DST: variants seen among roughly 807,000 people sequenced by gnomAD.
The protein encoded by DST is bullous pemphigoid antigen.
DST carries 253 observed loss-of-function variants against 875.2 expected under a neutral mutation model. That is an observed-to-expected ratio of 0.29 (90% CI 0.26 to 0.32). DST has a LOEUF of 0.32. DST is among the 10% of genes least tolerant of loss of function. The pLI, the probability that DST is intolerant of heterozygous loss-of-function variation, is 1.00. For missense variants in DST, 8,287 were observed against 9,111.6 expected (o/e 0.91, Z 3.68); for synonymous variants, 3,124 against 3,197.1 (o/e 0.98, Z 0.77).
At chr6:56,822,835 ATT>A (rs1232662158) in intron 4 of DST, among the ~76,000 whole-genome samples, 1 of 148,224 alleles carries the variant, frequency 6.7e-6, no homozygotes, top group African/African-American at 2.5e-5. Context: ...TTATTTATTT[ATT>A]TTTTTTTTGA....
At chr6:56,659,265 T>C (rs1483435874) in intron 10 of DST, among the ~76,000 whole-genome samples, 1 of 152,148 alleles carries the variant, frequency 6.6e-6, no homozygotes, top group African/African-American at 2.4e-5. Flanking sequence ...ACAATGGTTA[T>C]AGTAATTAGG....
At chr6:56,932,517 G>A (rs1283386016) in intron 2 of DST, among the ~76,000 whole-genome samples, 1 of 152,126 alleles carries the variant, frequency 6.6e-6, no homozygotes, top group Non-Finnish European at 1.5e-5. Flanking sequence ...GGCAAGAGAA[G>A]GGTGGGAGAG....
intron 13 of DST, among the ~76,000 whole-genome samples, chr6:56,647,285 T>A (rs1290287108): frequency 2.0e-5 from 3 of 152,046 alleles, no homozygotes; most frequent in South Asian, 2.1e-4. Context: ...TAGGGAAAAG[T>A]TTTCCTGCCC....
At chr6:56,801,412 A>G (rs1169428131) in intron 4 of DST, among the ~76,000 whole-genome samples, 1 of 152,196 alleles carries the variant, frequency 6.6e-6, no homozygotes. Context: ...AATATCTAAT[A>G]AGATAATAAT....
At position 56,606,197 on chromosome 6, in the gene DST, C is replaced by T; in HGVS notation, c.8431G>A (p.Gly2811Ser). The T allele has an allele frequency of 6.3e-7, 1 of 1,578,060 alleles. No homozygotes were observed. ...SNDQDDDDDDGIDEEGGGIRD... is the reference protein window; with the variant it reads ...SNDQDDDDDDSIDEEGGGIRD... ...ATACCTCCTCCTTCTTCATCAATGC[C>T]ATCATCATCATCGTCATCCTGATCA... The change falls in exon 40 of 104, where the codon GGC (glycine) becomes AGC (serine). Residue 2811 changes from glycine to serine, a missense_variant. Coordinates refer to ENST00000680361, the MANE Select transcript of DST (RefSeq NM_001374736.1).
chr6:56,799,687 T>A (rs1196997736), intron 4 of DST, among the ~76,000 whole-genome samples: 1 of 151,530 alleles, frequency 6.6e-6, no homozygotes, highest in Non-Finnish European at 1.5e-5. Context: ...AGTGGCACAA[T>A]CCCAGCTCAC....
chr6:56,647,487 C>T (rs79027911), intron 13 of DST, among the ~76,000 whole-genome samples: 1 of 152,216 alleles, frequency 6.6e-6, no homozygotes, highest in East Asian at 1.9e-4. Context: ...GGAGCTCACC[C>T]TAGGTTATTA....
intron 36 of DST, chr6:56,619,311 T>C: frequency 6.2e-7 from 1 of 1,612,010 alleles, no homozygotes; most frequent in African/African-American, 1.3e-5. Context: ...TCCTCTACTT[T>C]TTGTTTTAGC....
At chr6:56,584,592 T>C (rs1223501781) in intron 49 of DST, among the ~76,000 whole-genome samples, 103 of 151,516 alleles carry the variant, frequency 6.8e-4, no homozygotes, top group African/African-American at 2.4e-3. Flanking sequence ...TATTTCCTTC[T>C]CCTGCCTAAT....
chr6:56,861,443 T>C (rs576451299), intron 3 of DST, among the ~76,000 whole-genome samples: 11 of 152,166 alleles, frequency 7.2e-5, no homozygotes, highest in Non-Finnish European at 1.3e-4. Flanking sequence ...AGCAAACCAA[T>C]CCAACCACAG....
chr6:56,525,812 C>A (rs2096787579), intron 69 of DST, among the ~76,000 whole-genome samples: 1 of 152,176 alleles, frequency 6.6e-6, no homozygotes, highest in South Asian at 2.1e-4. Flanking sequence ...GCCTATAAAA[C>A]TCTTGGAGTA....
In DST at chr6:56,608,159, TACA is replaced by T; in HGVS notation, c.6466_6468del (p.Cys2156del). The T allele has an allele frequency of 6.2e-7, 1 of 1,613,772 alleles. No homozygotes were observed. The highest frequency in any genetic ancestry group is 8.5e-7 in the Non-Finnish European group (1 of 1,179,752). On this transcript the variant is annotated inframe_deletion, in exon 40 of 104. Transcript: ENST00000680361. ...AAAGAGAGCCATCTTCTGGCATTTT[TACA>T]AGCTTCTAAATCTCCTAAATCTGGC...
chr6:56,510,292 TA>T (rs1417910038), intron 73 of DST, among the ~76,000 whole-genome samples: 2 of 152,210 alleles, frequency 1.3e-5, no homozygotes, highest in Non-Finnish European at 2.9e-5. Flanking sequence ...ACTTCATTTT[TA>T]ATGAACTATT....
chr6:56,462,834 ACT>A (rs1342653511), intron 102 of DST, among the ~76,000 whole-genome samples: 1 of 152,222 alleles, frequency 6.6e-6, no homozygotes, highest in African/African-American at 2.4e-5. Flanking sequence ...TCAAATTGAC[ACT>A]GTTTAAAGAG....
intron 10 of DST, among the ~76,000 whole-genome samples, chr6:56,667,267 G>GT (rs2099076655): frequency 6.6e-6 from 1 of 152,126 alleles, no homozygotes; most frequent in Non-Finnish European, 1.5e-5. Flanking sequence ...TTTGCTCATG[G>GT]TGATATTTTG....
chr6:56,527,345 A>G, intron 68 of DST, 148 bp downstream of exon 68: 2 of 960,324 alleles, frequency 2.1e-6, no homozygotes, highest in Non-Finnish European at 3.0e-6. Flanking sequence ...TAAACAGTTG[A>G]TCTGCTGCCA....
chr6:56,832,981 C>A (rs993311849), intron 4 of DST, among the ~76,000 whole-genome samples: 10 of 152,162 alleles, frequency 6.6e-5, no homozygotes, highest in Admixed American at 3.3e-4. Flanking sequence ...TCAGGAGATC[C>A]ACCTGCCTTG....
intron 4 of DST, among the ~76,000 whole-genome samples, chr6:56,816,121 A>G (rs2153041728): frequency 6.6e-6 from 1 of 152,284 alleles, no homozygotes; most frequent in Middle Eastern, 3.4e-3. Context: ...AGAAAAATAA[A>G]CACCCTGAAA....
chr6:56,514,454 T>C (rs2096547721), intron 72 of DST, among the ~76,000 whole-genome samples: 1 of 151,986 alleles, frequency 6.6e-6, no homozygotes, highest in African/African-American at 2.4e-5. Context: ...ATTAAAAAGG[T>C]AAACAAACAA....
Sources: allele counts gnomAD v4.1 joint callset (sites outside exome capture counted in the v4.1 genomes callset), GRCh38; gene constraint gnomAD v4.1.1; transcripts MANE v1.5; gene names NCBI Gene and HGNC (gene_info 2026-07-23, HGNC 2026-07-21).